The following SLC25A20 variants were observed in gnomAD, a reference collection of about 807,000 sequenced individuals.
SLC25A20 encodes mitochondrial carnitine/acylcarnitine carrier protein.
Under a neutral mutation model 39.7 loss-of-function variants are expected in SLC25A20, and 29 were observed. That is an observed-to-expected ratio of 0.73 (90% CI 0.54 to 1.00). SLC25A20 has a LOEUF of 1.00. Among genes scored for constraint, SLC25A20 ranks in the 50% least tolerant of loss-of-function variants. The pLI is 0.00. For missense variants in SLC25A20, 333 were observed against 379.9 expected, an observed-to-expected ratio of 0.88 and a Z score of 1.03; for synonymous variants, 103 against 142.2, an observed-to-expected ratio of 0.72 and a Z score of 1.96.
rs2083598414 is a variant in SLC25A20, at chr3:48,858,560, A to C, written c.790T>G (p.Ser264Ala). 1.9e-6 allele frequency: 3 copies of C among 1,614,044 alleles called. No individual in the cohort carries two copies. The African/African-American group carries it at 4.0e-5, about 22-fold the overall frequency. Residue 264 changes from serine (S) to alanine (A), a missense_variant, in exon 8 of 9, where the codon TCC becomes GCC. Physicochemically the swap from Ser to Ala is moderately conservative, Grantham distance 99. Coordinates refer to ENST00000319017, the MANE Select transcript of SLC25A20 (RefSeq NM_000387.6). ...ACTGCATTGAACCCTTTGTACAAGG[A>C]TGTGACTCCTTCATCCCGGATCAGC... ...RELIRDEGVTSLYKGFNAVMI... is the reference protein window; with the variant it reads ...RELIRDEGVTALYKGFNAVMI...
At chr3:48,893,819 C>G (rs1418741577) in intron 1 of SLC25A20, among the ~76,000 whole-genome samples, 1 of 144,044 alleles carries the variant, frequency 6.9e-6, no homozygotes, top group Non-Finnish European at 1.5e-5. Context: ...TATGAGCCAC[C>G]ATGGCCAGCC....
At chr3:48,858,665 G>A (rs1306143647) in intron 7 of SLC25A20, 34 bp from the exon 8 acceptor site, 1 of 1,613,906 alleles carries the variant, frequency 6.2e-7, no homozygotes, top group Non-Finnish European at 8.5e-7. Context: ...AAGGCTTCAG[G>A]AAGGAGAAAC....
chr3:48,881,560 C>T (rs1204539056), intron 3 of SLC25A20, among the ~76,000 whole-genome samples: 1 of 152,182 alleles, frequency 6.6e-6, no homozygotes, highest in Non-Finnish European at 1.5e-5. Flanking sequence ...ACACTCCTTT[C>T]CATATCACCC....
rs1186846100 is a variant in SLC25A20 at position 48,871,998 on chromosome 3, T to TG, written c.417+7359_417+7360insC. ...GCCCAGCTAATTTTTTTTTTTTTTT[T>TG]TTTTTTTTTTTTTAGAGATGGGGTT... On this transcript the variant is annotated intron_variant, in intron 4 of 8. Transcript: ENST00000319017. Among the ~76,000 whole-genome samples the TG allele has an allele frequency of 3.0e-3, 433 of 142,024 alleles. 4 individuals carry two copies. The highest frequency in any genetic ancestry group is 0.01 in the African/African-American group (399 of 38,216). 93.2% of individuals were successfully genotyped at this position (142,024 alleles called of 152,430 possible). A position where few individuals can be genotyped will look rare whatever the true frequency, so the allele number is the denominator to read the frequency against.
Position 48,878,273 on chromosome 3 carries a change from A to T in SLC25A20, c.417+1085T>A, listed in dbSNP as rs371046911. 5.3e-3 allele frequency among the ~76,000 whole-genome samples: 681 copies of T among 127,638 alleles called. 1 individual carries two copies. Among genetic ancestry groups the T allele is most frequent in the Middle Eastern group, 0.023 (6 of 258 alleles). The allele number at this position is 127,638 out of a possible 152,430, so 83.7% of individuals were successfully genotyped here. On this transcript the variant is annotated intron_variant, in intron 4 of 8. Transcript: ENST00000319017. ...AGACTCCATCTCCACAAAAAAAAAA[A>T]ATATATATATATATATATATATATA...
At chr3:48,887,216 CT>C (rs2083835833) in intron 2 of SLC25A20, among the ~76,000 whole-genome samples, 2 of 152,190 alleles carry the variant, frequency 1.3e-5, no homozygotes, top group Admixed American at 1.3e-4. Context: ...CCCATTCCTC[CT>C]GAACAACTTG....
chr3:48,886,544 A>T (rs1388077958), intron 2 of SLC25A20, among the ~76,000 whole-genome samples: 2 of 151,772 alleles, frequency 1.3e-5, no homozygotes, highest in East Asian at 3.9e-4. Flanking sequence ...TAATAATAAT[A>T]AAAATAAATA....
chr3:48,894,563 G>T (rs534559395), intron 1 of SLC25A20, among the ~76,000 whole-genome samples: 3 of 151,526 alleles, frequency 2.0e-5, no homozygotes, highest in South Asian at 2.1e-4. Flanking sequence ...ATGAGCCACC[G>T]GCCCGGCCCT....
intron 2 of SLC25A20, among the ~76,000 whole-genome samples, chr3:48,891,272 A>G (rs1363113884): frequency 6.6e-6 from 1 of 151,958 alleles, no homozygotes; most frequent in Non-Finnish European, 1.5e-5. Flanking sequence ...ACGGGGTTTC[A>G]TGATGTTGGC....
At chr3:48,866,733 C>T (rs547377267) in intron 4 of SLC25A20, among the ~76,000 whole-genome samples, 18 of 80,612 alleles carry the variant, frequency 2.2e-4, no homozygotes, top group African/African-American at 9.4e-4. Context: ...TGTGCTCAAA[C>T]GATCCTCCCA....
intron 4 of SLC25A20, among the ~76,000 whole-genome samples, chr3:48,867,411 A>ATTTTTTTTTTTTTTTTTTTTT (rs58122933): frequency 1.3e-4 from 14 of 108,392 alleles, no homozygotes; most frequent in East Asian, 3.0e-4. Context: ...TGCCTGGGTA[A>ATTTTTTTTTTTTTTTTTTTTT]TTTTTTTTTT....
At chr3:48,877,443 A>G (rs1452691152) in intron 4 of SLC25A20, among the ~76,000 whole-genome samples, 1 of 150,376 alleles carries the variant, frequency 6.6e-6, no homozygotes, top group Non-Finnish European at 1.5e-5. Context: ...GAAAAAAAGA[A>G]AAGAGGGTTG....
At chr3:48,883,194 C>T (rs898187363) in intron 3 of SLC25A20, among the ~76,000 whole-genome samples, 3 of 148,346 alleles carry the variant, frequency 2.0e-5, no homozygotes, top group Non-Finnish European at 4.5e-5. Flanking sequence ...GACTCAGTCT[C>T]GAACAAACAA....
At chr3:48,877,681 A>T (rs539932815) in intron 4 of SLC25A20, among the ~76,000 whole-genome samples, 93 of 151,960 alleles carry the variant, frequency 6.1e-4, no homozygotes, top group Non-Finnish European at 1.2e-3. Context: ...ATAATCTGAG[A>T]TCATGCCACT....
intron 4 of SLC25A20, among the ~76,000 whole-genome samples, chr3:48,878,279 T>A (rs199857348): frequency 0.05 from 6,300 of 127,072 alleles, 281 homozygotes; most frequent in East Asian, 0.23. Context: ...AAAAAATATA[T>A]ATATATATAT....
chr3:48,871,581 A>G (rs2083715334), intron 4 of SLC25A20, among the ~76,000 whole-genome samples: 1 of 151,916 alleles, frequency 6.6e-6, no homozygotes, highest in African/African-American at 2.4e-5. Flanking sequence ...CAGCCTGACC[A>G]ATGTGGAGAA....
chr3:48,866,369 C>A (rs563456597), intron 4 of SLC25A20, among the ~76,000 whole-genome samples: 1 of 151,894 alleles, frequency 6.6e-6, no homozygotes, highest in Admixed American at 6.6e-5. Context: ...GCCTGGCCAA[C>A]AAGGCAAAAC....
intron 4 of SLC25A20, among the ~76,000 whole-genome samples, chr3:48,878,616 AT>A (rs2083779353): frequency 6.6e-6 from 1 of 151,894 alleles, no homozygotes; most frequent in Non-Finnish European, 1.5e-5. Context: ...CCTGACCAAC[AT>A]GGCAAAGCCC....
At chr3:48,886,943 T>G (rs1395183054) in intron 2 of SLC25A20, among the ~76,000 whole-genome samples, 1 of 152,226 alleles carries the variant, frequency 6.6e-6, no homozygotes, top group East Asian at 1.9e-4. Context: ...CCTGCCTCAC[T>G]GCAGACCCTG....
Sources: gnomAD v4.1 joint callset for allele counts (sites outside exome capture counted in the v4.1 genomes callset) on GRCh38, gnomAD v4.1.1 for gene constraint, MANE v1.5 for transcripts, NCBI Gene and HGNC (gene_info 2026-07-23, HGNC 2026-07-21) for gene names.